TTC12: variants seen among roughly 807,000 people sequenced by gnomAD.
TTC12 encodes the protein tetratricopeptide repeat domain 12, also known as tetratricopeptide repeat protein 12.
In TTC12, 70 loss-of-function variants were observed where a neutral mutation model predicts 90.1. The ratio of observed to expected loss-of-function variants is 0.78; its 90% CI spans 0.64 to 0.95. The LOEUF (loss-of-function observed/expected upper bound fraction) is 0.95, where lower values mean the gene tolerates loss of function less well. TTC12 is among the 40% of genes least tolerant of loss of function. The pLI is 0.00. For synonymous variants in TTC12, 296 were observed against 311.5 expected (o/e 0.95, Z 0.53); for missense variants, 819 against 846.1 (o/e 0.97, Z 0.40).
In TTC12 at chr11:113,339,297, C is replaced by G. The variant is rs1555145168; in HGVS notation, c.649C>G (p.Gln217Glu). The change falls in exon 10 of 22, where the codon CAA (glutamine) becomes GAA (glutamate). Residue 217 changes from glutamine (Q) to glutamate (E), a missense_variant. Transcript: ENST00000529221. ...LQTQVKGYLNQVDLQEKADLQ... is the reference protein window; with the variant it reads ...LQTQVKGYLNEVDLQEKADLQ... ...TCTTGTTTTTCTAGGTTACCTGAAT[C>G]AAGTAGATCTTCAGGAAAAAGCAGA... The G allele has an allele frequency of 6.2e-7, 1 of 1,603,070 alleles. No homozygotes were observed. The highest frequency in any genetic ancestry group is 8.5e-7 in the Non-Finnish European group (1 of 1,176,306).
In TTC12 at chr11:113,359,434, G is replaced by A. The variant is rs1949795088; in HGVS notation, c.1518G>A (p.Leu506=). 6.2e-7 allele frequency: 1 copy of A among 1,613,340 alleles called. No homozygotes were observed. The highest frequency in any genetic ancestry group is 8.5e-7 in the Non-Finnish European group (1 of 1,179,302). ...IYTLLGLMMN[L]CLQAPFVSEV... is the part of the protein sequence containing the mutation. The stretch of plus-strand genomic sequence containing the variant: ...CACTCCTGGGACTCATGATGAACCT[G>A]TGTCTTCAGGCTCCCTTTGTCTCTG... Residue 506 remains leucine, a synonymous_variant, in exon 17 of 22, where the codon CTG becomes CTA. Transcript: ENST00000529221.
In TTC12 at chr11:113,352,224, A is replaced by G. The variant is rs782790643; in HGVS notation, c.1446+17A>G. On this transcript the variant is annotated intron_variant, in intron 16 of 21. Coordinates refer to ENST00000529221, the MANE Select transcript of TTC12 (RefSeq NM_017868.4). Reference sequence around the variant, plus strand: ...AGCCTCCTGGTATGTTAGCTTTTCTATTCAAAATTGGTCTTTATCCTCTTT... The same window carrying G: ...AGCCTCCTGGTATGTTAGCTTTTCTGTTCAAAATTGGTCTTTATCCTCTTT... 21 of 1,613,992 alleles carry G rather than the reference A, an allele frequency of 1.3e-5. No individual in the cohort carries two copies. Among genetic ancestry groups the G allele is most frequent in the Admixed American group, 6.7e-5 (4 of 59,980 alleles).
downstream of TTC12, among the ~76,000 whole-genome samples, chr11:113,371,208 C>G (rs889626541): frequency 1.3e-5 from 2 of 152,128 alleles, no homozygotes; most frequent in Non-Finnish European, 2.9e-5. Context: ...ACCACAGATA[C>G]CAAAGCCCTG....
intron 7 of TTC12, 62 bp downstream of exon 7, chr11:113,330,041 C>T (rs1555142272): frequency 7.6e-7 from 1 of 1,322,942 alleles, no homozygotes; most frequent in Non-Finnish European, 1.1e-6. Context: ...AAGGCAGCTG[C>T]CAGTGTATCA....
intron 17 of TTC12, 135 bp downstream of exon 17, chr11:113,359,596 G>A (rs1224204934): frequency 3.0e-6 from 2 of 666,258 alleles, no homozygotes; most frequent in African/African-American, 3.6e-5. Context: ...GGAAAAGGCT[G>A]GAGGGATGCG....
intron 16 of TTC12, among the ~76,000 whole-genome samples, chr11:113,354,067 A>G (rs1341823089): frequency 2.6e-5 from 4 of 152,148 alleles, no homozygotes; most frequent in Non-Finnish European, 4.4e-5. Context: ...TGGCCATTTT[A>G]ACAATATTGA....
intron 6 of TTC12, among the ~76,000 whole-genome samples, chr11:113,327,909 C>G (rs2137944091): frequency 6.6e-6 from 1 of 152,358 alleles, no homozygotes; most frequent in East Asian, 1.9e-4. Flanking sequence ...CTCGCAGCTT[C>G]CTTGCTATGG....
chr11:113,349,806 C>T (rs971045059), intron 13 of TTC12, among the ~76,000 whole-genome samples: 25 of 152,186 alleles, frequency 1.6e-4, no homozygotes, highest in African/African-American at 5.8e-4. Context: ...GAAACTCCTT[C>T]TGAGCTGGCG....
chr11:113,345,885 T>C (rs1458286247), intron 13 of TTC12, among the ~76,000 whole-genome samples: 1 of 152,224 alleles, frequency 6.6e-6, no homozygotes, highest in Admixed American at 6.5e-5. Flanking sequence ...TTCCAGTGTC[T>C]CGGAGAGTGG....
intron 2 of TTC12, among the ~76,000 whole-genome samples, chr11:113,322,063 G>T (rs553579591): frequency 1.3e-5 from 2 of 152,142 alleles, no homozygotes; most frequent in Non-Finnish European, 2.9e-5. Context: ...AAGCATGCTG[G>T]AGAAAAGATA....
chr11:113,349,137 C>T (rs1291100175), intron 13 of TTC12, among the ~76,000 whole-genome samples: 1 of 152,188 alleles, frequency 6.6e-6, no homozygotes, highest in Non-Finnish European at 1.5e-5. Flanking sequence ...AATGGATAAA[C>T]GAATGAATAG....
chr11:113,344,242 C>G (rs782128383), intron 12 of TTC12, 30 bp from the exon 13 acceptor site: 12 of 1,591,648 alleles, frequency 7.5e-6, no homozygotes, highest in Non-Finnish European at 1.0e-5. Flanking sequence ...TGATGGCATG[C>G]ACAAGACACA....
intron 18 of TTC12, among the ~76,000 whole-genome samples, chr11:113,361,522 C>A (rs782128620): frequency 6.6e-6 from 1 of 152,132 alleles, no homozygotes; most frequent in East Asian, 1.9e-4. Context: ...TCAAAACTCC[C>A]GATACAACAG....
chr11:113,366,201 G>C lies in TTC12; in HGVS notation c.2043-24G>C, dbSNP rs200820288. On this transcript the variant is annotated intron_variant, in intron 21 of 21. Coordinates refer to ENST00000529221, the MANE Select transcript of TTC12 (RefSeq NM_017868.4). ...CCTGAACCGTGGCACTTATGCCCTGGGTTGTTTGTTTTGATTGTGACAGAT... is the reference window on the plus strand; with the variant it reads ...CCTGAACCGTGGCACTTATGCCCTGCGTTGTTTGTTTTGATTGTGACAGAT... 2.5e-5 allele frequency: 41 copies of C among 1,611,140 alleles called. No individual in the cohort carries two copies. The East Asian group carries it at 8.9e-4, about 35-fold the overall frequency.
Position 113,352,322 on chromosome 11 carries a change from G to C in TTC12, c.1446+115G>C, listed in dbSNP as rs781789811. 23 of 1,367,846 alleles carry C rather than the reference G, an allele frequency of 1.7e-5. 1 individual carries two copies. The highest frequency in any genetic ancestry group is 2.2e-5 in the Non-Finnish European group (22 of 985,014). 84.7% of individuals were successfully genotyped at this position (1,367,846 alleles called of 1,614,324 possible). Reference sequence around the variant, plus strand: ...TTTCTGTGGGTGTTGGATGGCGCCAGTTGGCTTATCCCTTCTGTAACCACG... The same window carrying C: ...TTTCTGTGGGTGTTGGATGGCGCCACTTGGCTTATCCCTTCTGTAACCACG... On this transcript the variant is annotated intron_variant, in intron 16 of 21. Transcript: ENST00000529221.
At chr11:113,352,635 G>C (rs1281472508) in intron 16 of TTC12, among the ~76,000 whole-genome samples, 1 of 152,008 alleles carries the variant, frequency 6.6e-6, no homozygotes, top group Non-Finnish European at 1.5e-5. Context: ...CCCAGTGTGT[G>C]TTGTTCCCCT....
At chr11:113,333,558 G>A (rs79163432) in intron 7 of TTC12, among the ~76,000 whole-genome samples, 1,689 of 152,016 alleles carry the variant, frequency 0.011, 31 homozygotes, top group African/African-American at 0.035. Context: ...TGTTATCTGT[G>A]TGACCTTGGG....
At chr11:113,344,141 C>T (rs1948820549) in intron 12 of TTC12, 131 bp from the exon 13 acceptor site, 1 of 1,084,588 alleles carries the variant, frequency 9.2e-7, no homozygotes, top group Non-Finnish European at 1.3e-6. Flanking sequence ...AGAATCCACA[C>T]TCTTACACTT....
At chr11:113,355,896 G>A (rs1174606647) in intron 16 of TTC12, among the ~76,000 whole-genome samples, 3 of 152,270 alleles carry the variant, frequency 2.0e-5, no homozygotes, top group East Asian at 3.9e-4. Flanking sequence ...ACTATGTGGC[G>A]ATGAGAAAAA....
Sources: allele counts gnomAD v4.1 joint callset (sites outside exome capture counted in the v4.1 genomes callset), GRCh38; gene constraint gnomAD v4.1.1; transcripts MANE v1.5; gene names NCBI Gene and HGNC (gene_info 2026-07-23, HGNC 2026-07-21).